KLHL3: variants seen among roughly 807,000 people sequenced by gnomAD.
KLHL3 encodes kelch like family member 3.
A neutral mutation model predicts 70.5 loss-of-function variants in KLHL3; 19 were observed. The observed-to-expected ratio is 0.27, with a 90% CI of 0.19 to 0.40. The LOEUF (loss-of-function observed/expected upper bound fraction) is 0.40. Among genes scored for constraint, KLHL3 ranks in the 10% least tolerant of loss-of-function variants. KLHL3 has a pLI of 1.00. For synonymous variants in KLHL3, 258 were observed against 290.3 expected, an observed-to-expected ratio of 0.89 and a Z score of 1.13; for missense variants, 512 against 771.1, an observed-to-expected ratio of 0.66 and a Z score of 3.98.
intron 1 of KLHL3, among the ~76,000 whole-genome samples, chr5:137,727,512 T>C (rs1452036601): frequency 6.6e-6 from 1 of 152,166 alleles, no homozygotes; most frequent in Non-Finnish European, 1.5e-5. Flanking sequence ...ATCCCATCGT[T>C]GCCCTGAAGA....
chr5:137,694,165 G>A (rs1265663231), intron 4 of KLHL3, among the ~76,000 whole-genome samples: 2 of 151,312 alleles, frequency 1.3e-5, no homozygotes, highest in East Asian at 3.9e-4. Flanking sequence ...AAATGCCTAC[G>A]CTCAACAAGG....
In KLHL3 at chr5:137,639,422, T is replaced by C. The variant is rs1037484034; in HGVS notation, c.1022-272A>G. Among the ~76,000 whole-genome samples the C allele has an allele frequency of 1.1e-4, 16 of 152,222 alleles. No homozygotes were observed. Among genetic ancestry groups the C allele is most frequent in the Admixed American group, 9.2e-4 (14 of 15,296 alleles). On this transcript the variant is annotated intron_variant, in intron 9 of 14. Coordinates refer to ENST00000309755, the MANE Select transcript of KLHL3 (RefSeq NM_017415.3). The surrounding 1 kb of genome is among the most constrained non-coding windows in gnomAD (Gnocchi z 5.0). ...CAAAAACTGTGCAAGTGGCCGGGCATGGTAGCTCACGCCTGTAATTCCAGT... is the reference window on the plus strand; with the variant it reads ...CAAAAACTGTGCAAGTGGCCGGGCACGGTAGCTCACGCCTGTAATTCCAGT...
intron 3 of KLHL3, among the ~76,000 whole-genome samples, 197 bp downstream of exon 3, chr5:137,709,553 G>A (rs1243788080): frequency 1.3e-5 from 2 of 152,180 alleles, no homozygotes; most frequent in African/African-American, 4.8e-5. Context: ...GTGGACAAGG[G>A]CTACATGCCC....
At chr5:137,640,736 C>G (rs1025558724) in intron 8 of KLHL3, among the ~76,000 whole-genome samples, 17 of 151,518 alleles carry the variant, frequency 1.1e-4, no homozygotes, top group East Asian at 1.9e-4. Context: ...GCCAGCCACC[C>G]CCCCCAACTC....
At chr5:137,690,934 A>G (rs1374031052) in intron 5 of KLHL3, among the ~76,000 whole-genome samples, 1 of 152,186 alleles carries the variant, frequency 6.6e-6, no homozygotes, top group Non-Finnish European at 1.5e-5. Context: ...GCCATGACTG[A>G]ATTTATCAAG....
intron 8 of KLHL3, among the ~76,000 whole-genome samples, chr5:137,650,420 CT>C (rs1751171336): frequency 2.0e-5 from 3 of 152,200 alleles, no homozygotes; most frequent in Admixed American, 2.0e-4. Flanking sequence ...TGGGAGTCCC[CT>C]GGGGAAGAGA....
intron 12 of KLHL3, chr5:137,629,200 A>G (rs943174404): frequency 6.6e-6 from 1 of 152,276 alleles, no homozygotes; most frequent in African/African-American, 2.4e-5. Context: ...GATGAAAGCC[A>G]TAAAGAAGGA....
chr5:137,688,475 G>A (rs1174030850), intron 5 of KLHL3, among the ~76,000 whole-genome samples: 2 of 152,202 alleles, frequency 1.3e-5, no homozygotes, highest in African/African-American at 4.8e-5. Context: ...TGTGTCTAGC[G>A]GACAGCTGGA....
chr5:137,707,419 C>G (rs531749108), intron 3 of KLHL3: 1 of 151,288 alleles, frequency 6.6e-6, no homozygotes, highest in Non-Finnish European at 1.5e-5. Flanking sequence ...AGCAAAAGGG[C>G]GAGACTCTGT....
chr5:137,735,312 C>A (rs1753243402), intron 1 of KLHL3, among the ~76,000 whole-genome samples: 1 of 152,204 alleles, frequency 6.6e-6, no homozygotes, highest in Non-Finnish European at 1.5e-5. Context: ...CTTGAAACAG[C>A]CTGAGAAAGG....
At chr5:137,638,759 G>A (rs1009919275) in intron 10 of KLHL3, among the ~76,000 whole-genome samples, 194 bp downstream of exon 10, 1 of 152,188 alleles carries the variant, frequency 6.6e-6, no homozygotes, top group South Asian at 2.1e-4. Flanking sequence ...CTAGTACATG[G>A]GTAGTTACAT....
rs1416408406 is a variant in KLHL3, at chr5:137,618,348, A to G, written c.*3750T>C. ...TGTCCCAACAATAATAATAATAATAATAAATTTTAAAAACCATGATGCAAA... is the reference window on the plus strand; with the variant it reads ...TGTCCCAACAATAATAATAATAATAGTAAATTTTAAAAACCATGATGCAAA... On this transcript the variant is annotated 3_prime_UTR_variant, in exon 15 of 15. Transcript: ENST00000309755. 1.3e-5 allele frequency: 2 copies of G among 152,150 alleles called. No homozygotes were observed. The highest frequency in any genetic ancestry group is 2.4e-5 in the African/African-American group (1 of 41,418). The allele number at this position is 152,150 out of a possible 1,614,324, so 9.4% of individuals were successfully genotyped here. A position where few individuals can be genotyped will look rare whatever the true frequency, so the allele number is the denominator to read the frequency against.
At chr5:137,678,233 A>G (rs1487970190) in intron 5 of KLHL3, among the ~76,000 whole-genome samples, 1 of 152,206 alleles carries the variant, frequency 6.6e-6, no homozygotes, top group African/African-American at 2.4e-5. Context: ...AGTGGCAACA[A>G]GGTGACCCTA....
chr5:137,672,330 G>T (rs1370706094), intron 6 of KLHL3, among the ~76,000 whole-genome samples: 1 of 152,180 alleles, frequency 6.6e-6, no homozygotes, highest in African/African-American at 2.4e-5. Flanking sequence ...GAAAGGCAAG[G>T]AATTCAGACA....
At chr5:137,638,435 T>G (rs1750823115) in intron 10 of KLHL3, among the ~76,000 whole-genome samples, 1 of 152,196 alleles carries the variant, frequency 6.6e-6, no homozygotes, top group African/African-American at 2.4e-5. Flanking sequence ...CTAACAGTTT[T>G]GGGTTGAAAT....
In KLHL3 at chr5:137,692,170, A is replaced by T. The variant is rs1236834286; in HGVS notation, c.526+115T>A. 3.0e-5 allele frequency: 27 copies of T among 908,100 alleles called. No individual in the cohort carries two copies. The East Asian group carries it at 7.0e-4, about 23-fold the overall frequency. The allele number at this position is 908,100 out of a possible 1,614,324, so 56.3% of individuals were successfully genotyped here. ...TCTTTCCACCTGTATCCCTAACTAA[A>T]TCATAGCTGCTTCACAGCAGAGACC... On this transcript the variant is annotated intron_variant, in intron 5 of 14. Coordinates refer to ENST00000309755, the MANE Select transcript of KLHL3 (RefSeq NM_017415.3).
chr5:137,649,483 C>A (rs978030162), intron 8 of KLHL3, among the ~76,000 whole-genome samples: 1 of 152,162 alleles, frequency 6.6e-6, no homozygotes, highest in Non-Finnish European at 1.5e-5. Context: ...AGATCCTCCC[C>A]AAACAAGCCT....
In KLHL3 at chr5:137,694,056, T is replaced by G. The variant is rs187015100; in HGVS notation, c.364-1609A>C. On this transcript the variant is annotated intron_variant, in intron 4 of 14. Transcript: ENST00000309755. ...CAGGACTGGGGGTTTCCCAGGACTT[T>G]CAGGGCTAAAAATGGGACAGTCGGT... 5.9e-4 allele frequency among the ~76,000 whole-genome samples: 89 copies of G among 152,028 alleles called. 1 individual carries two copies. The South Asian group carries it at 8.1e-3, about 14-fold the overall frequency.
At chr5:137,663,906 G>A (rs533423925) in intron 6 of KLHL3, among the ~76,000 whole-genome samples, 33 of 152,314 alleles carry the variant, frequency 2.2e-4, no homozygotes, top group African/African-American at 7.7e-4. Context: ...TTGAGGGGAA[G>A]GAGGGTCAGG....
Sources: gnomAD v4.1 joint callset for allele counts (sites outside exome capture counted in the v4.1 genomes callset) on GRCh38, gnomAD v4.1.1 for gene constraint, Gnocchi (gnomAD v3.1) non-coding constraint, MANE v1.5 for transcripts, NCBI Gene and HGNC (gene_info 2026-07-23, HGNC 2026-07-21) for gene names.